TMEM108: variants seen among roughly 807,000 people sequenced by gnomAD.
TMEM108 encodes the protein cancer/testis antigen 124.
Under a neutral mutation model 35.1 loss-of-function variants are expected in TMEM108, and 12 were observed. That is an observed-to-expected ratio of 0.34 (90% CI 0.22 to 0.55). TMEM108 has a LOEUF of 0.55. Among genes scored for constraint, TMEM108 ranks in the 20% least tolerant of loss-of-function variants. TMEM108 has a pLI of 0.89. For missense variants in TMEM108, 680 were observed against 753.3 expected, an observed-to-expected ratio of 0.90 and a Z score of 1.14; for synonymous variants, 287 against 308.6, an observed-to-expected ratio of 0.93 and a Z score of 0.73.
intron 2 of TMEM108, among the ~76,000 whole-genome samples, chr3:133,058,687 A>T (rs1220452892): frequency 6.6e-6 from 1 of 152,174 alleles, no homozygotes; most frequent in Non-Finnish European, 1.5e-5. Context: ...CCAGGCCTCC[A>T]TGTTTACCTG....
intron 3 of TMEM108, among the ~76,000 whole-genome samples, chr3:133,243,175 C>T (rs1315676337): frequency 1.3e-5 from 2 of 151,986 alleles, no homozygotes; most frequent in African/African-American, 4.8e-5. Flanking sequence ...GCCCGGAGGT[C>T]ACTATGAGGT....
intron 2 of TMEM108, among the ~76,000 whole-genome samples, chr3:133,052,658 A>T (rs533498758): frequency 1.1e-4 from 16 of 150,986 alleles, no homozygotes; most frequent in Admixed American, 4.6e-4. Context: ...ATAGATTTTT[A>T]AAATGTTCTT....
chr3:133,299,745 C>T lies in TMEM108; in HGVS notation c.40+70394C>T, dbSNP rs1162936686. Among the ~76,000 whole-genome samples, 5 of 152,116 alleles carry T rather than the reference C, an allele frequency of 3.3e-5. No individual in the cohort carries two copies. In the South Asian group the frequency reaches 8.3e-4, roughly 25 times the overall value. On this transcript the variant is annotated intron_variant, in intron 3 of 5. Coordinates refer to ENST00000321871, the MANE Select transcript of TMEM108 (RefSeq NM_023943.4). ...CATTTGGGAGAGCCAGGCCATCATACGTCTTCAACCCAACACACACACACT... is the reference window on the plus strand; with the variant it reads ...CATTTGGGAGAGCCAGGCCATCATATGTCTTCAACCCAACACACACACACT...
At chr3:133,128,335 A>G (rs1944444065) in intron 2 of TMEM108, among the ~76,000 whole-genome samples, 1 of 152,186 alleles carries the variant, frequency 6.6e-6, no homozygotes, top group Non-Finnish European at 1.5e-5. Flanking sequence ...GTTCAAGACA[A>G]TTCCAAGTCC....
chr3:133,126,167 T>A (rs574262681), intron 2 of TMEM108, among the ~76,000 whole-genome samples: 16 of 152,186 alleles, frequency 1.1e-4, no homozygotes, highest in Non-Finnish European at 1.9e-4. Flanking sequence ...AATCTTTTTT[T>A]TAAAAAAGTG....
At chr3:133,109,774 AG>A (rs1944203578) in intron 2 of TMEM108, among the ~76,000 whole-genome samples, 1 of 152,192 alleles carries the variant, frequency 6.6e-6, no homozygotes, top group Admixed American at 6.5e-5. Context: ...CATATTGTTC[AG>A]TGTGTTTTAT....
chr3:133,290,409 T>G (rs1947046843), intron 3 of TMEM108, among the ~76,000 whole-genome samples: 1 of 152,054 alleles, frequency 6.6e-6, no homozygotes, highest in Non-Finnish European at 1.5e-5. Flanking sequence ...TCATCTCAGG[T>G]CAGGAGTTTG....
Position 133,233,997 on chromosome 3 carries a change from T to A in TMEM108, c.40+4646T>A, listed in dbSNP as rs563260596. On this transcript the variant is annotated intron_variant, in intron 3 of 5. Transcript: ENST00000321871. ...TTCTCCCATTTTGTAGGTTGCCTGT[T>A]CACTCTGATGGTAGTTTCTTTTGCT... Among the ~76,000 whole-genome samples the A allele has an allele frequency of 3.7e-3, 560 of 151,446 alleles. 8 individuals are homozygous for A. Among genetic ancestry groups the A allele is most frequent in the African/African-American group, 0.012 (508 of 41,486 alleles).
chr3:133,166,955 C>T (rs1346184663), intron 2 of TMEM108, among the ~76,000 whole-genome samples: 1 of 152,074 alleles, frequency 6.6e-6, no homozygotes, highest in Non-Finnish European at 1.5e-5. Context: ...TCCGTTTGGA[C>T]AGGGTATTGA....
chr3:133,380,573 G>A lies in TMEM108; in HGVS notation c.862G>A (p.Gly288Ser), dbSNP rs200944613. 799 of 1,613,336 alleles carry A rather than the reference G, an allele frequency of 5.0e-4. 5 individuals are homozygous for A. The highest frequency in any genetic ancestry group is 9.7e-5 in the Non-Finnish European group (115 of 1,179,540). Residue 288 changes from glycine to serine, a missense_variant, in exon 4 of 6, where the codon GGT becomes AGT. By Grantham distance (56) the Gly-to-Ser change is moderately conservative. Around this residue, in one of 3 missense-constraint regions of TMEM108, gnomAD observed 526 missense variants for 532.1 expected, o/e 0.99. Transcript: ENST00000321871. This position sits in a 1 kb window ranked among gnomAD's most constrained non-coding sequence, Gnocchi z 5.3. ...PGLRRAAQGG[G>S]STFTSQGGTP... ...CCTTCGCAGAGCAGCCCAGGGGGGTGGTTCTACCTTCACCAGCCAAGGAGG... is the reference window on the plus strand; with the variant it reads ...CCTTCGCAGAGCAGCCCAGGGGGGTAGTTCTACCTTCACCAGCCAAGGAGG...
intron 3 of TMEM108, among the ~76,000 whole-genome samples, chr3:133,237,159 T>A (rs988108298): frequency 1.4e-5 from 2 of 143,654 alleles, no homozygotes; most frequent in African/African-American, 4.9e-5. Flanking sequence ...CATTTCTTCT[T>A]CCTTTTTTTT....
intron 3 of TMEM108, among the ~76,000 whole-genome samples, chr3:133,368,096 G>C (rs2072551656): frequency 6.6e-6 from 1 of 152,134 alleles, no homozygotes; most frequent in African/African-American, 2.4e-5. Context: ...GAGTCCCAAA[G>C]GTCCTGTTAT....
At chr3:133,302,245 G>C (rs935989865) in intron 3 of TMEM108, among the ~76,000 whole-genome samples, 3 of 152,164 alleles carry the variant, frequency 2.0e-5, no homozygotes, top group African/African-American at 4.8e-5. Flanking sequence ...TGACACATCA[G>C]TGTAACCACA....
chr3:133,234,450 G>A (rs1253072799), intron 3 of TMEM108, among the ~76,000 whole-genome samples: 2 of 152,002 alleles, frequency 1.3e-5, no homozygotes, highest in African/African-American at 2.4e-5. Context: ...TTCAATATAC[G>A]CACATCAATA....
At chr3:133,272,427 A>G (rs1946786029) in intron 3 of TMEM108, among the ~76,000 whole-genome samples, 1 of 152,110 alleles carries the variant, frequency 6.6e-6, no homozygotes. Flanking sequence ...CCCATTTTAG[A>G]GCTGGCATTT....
intron 2 of TMEM108, among the ~76,000 whole-genome samples, chr3:133,051,960 TTG>T (rs1198773374): frequency 7.2e-5 from 11 of 152,166 alleles, no homozygotes; most frequent in African/African-American, 2.4e-4. Context: ...TGCTTTAATA[TTG>T]TGTTGGCTAT....
intron 3 of TMEM108, among the ~76,000 whole-genome samples, chr3:133,304,481 T>C (rs1432900293): frequency 6.6e-6 from 1 of 152,132 alleles, no homozygotes; most frequent in Admixed American, 6.6e-5. Flanking sequence ...AAAGTTTCTT[T>C]ATTGTGCCCA....
intron 2 of TMEM108, among the ~76,000 whole-genome samples, chr3:133,070,996 G>A (rs1943669426): frequency 6.6e-6 from 1 of 152,094 alleles, no homozygotes; most frequent in Admixed American, 6.6e-5. Flanking sequence ...ATTTAAGGTA[G>A]GAGCTCAGGA....
At chr3:133,293,883 C>T (rs1057484163) in intron 3 of TMEM108, among the ~76,000 whole-genome samples, 1 of 152,094 alleles carries the variant, frequency 6.6e-6, no homozygotes, top group East Asian at 1.9e-4. Flanking sequence ...AGGTTGTCAA[C>T]TTGAATTTTA....
Sources: gnomAD v4.1 joint callset for allele counts (sites outside exome capture counted in the v4.1 genomes callset) on GRCh38, gnomAD v4.1.1 for gene constraint, gnomAD v4.1.1 regional missense constraint, Gnocchi (gnomAD v3.1) non-coding constraint, MANE v1.5 for transcripts, NCBI Gene and HGNC (gene_info 2026-07-23, HGNC 2026-07-21) for gene names.